Variants in TEAD4 observed in about 807,000 individuals in gnomAD.
TEAD4 encodes the protein transcriptional enhancer factor TEF-3.
TEAD4 carries 36 observed loss-of-function variants against 52.4 expected under a neutral mutation model. The observed-to-expected ratio is 0.69, with a 90% confidence interval of 0.53 to 0.91. TEAD4 has a LOEUF of 0.91. TEAD4 is among the 40% of genes least tolerant of loss of function. The probability of loss-of-function intolerance (pLI) is 0.00; values close to 1 mark genes in which losing one functional copy is unlikely to be tolerated. For missense variants in TEAD4, 508 were observed against 583.9 expected, an observed-to-expected ratio of 0.87 and a Z score of 1.34; for synonymous variants, 220 against 231.0, an observed-to-expected ratio of 0.95 and a Z score of 0.43.
At chr12:3,013,705 G>A (rs1385816746) in intron 5 of TEAD4, among the ~76,000 whole-genome samples, 2 of 152,146 alleles carry the variant, frequency 1.3e-5, no homozygotes, top group Non-Finnish European at 2.9e-5. Flanking sequence ...CTGCACACCA[G>A]TCTGGGCAAC....
intron 2 of TEAD4, among the ~76,000 whole-genome samples, chr12:2,966,750 A>G (rs754209302): frequency 1.3e-5 from 2 of 151,332 alleles, no homozygotes; most frequent in Non-Finnish European, 2.9e-5. Flanking sequence ...CCTATTGCCT[A>G]GGCCGGAGTA....
At chr12:2,974,108 C>T (rs1477423201) in intron 2 of TEAD4, among the ~76,000 whole-genome samples, 1 of 152,112 alleles carries the variant, frequency 6.6e-6, no homozygotes, top group East Asian at 1.9e-4. Flanking sequence ...CCCAGGTTTT[C>T]AAGGTGCCTT....
chr12:2,983,137 A>G (rs942753764), intron 2 of TEAD4, among the ~76,000 whole-genome samples: 2 of 152,344 alleles, frequency 1.3e-5, no homozygotes, highest in Middle Eastern at 3.4e-3. Flanking sequence ...GGCTACAACC[A>G]GGACTTAAGA....
chr12:3,012,153 C>T lies in TEAD4; in HGVS notation c.292-17C>T. On this transcript the variant is annotated splice_polypyrimidine_tract_variant and intron_variant, in intron 4 of 12. Transcript: ENST00000359864. Reference sequence around the variant, plus strand: ...TTGTTGGGAGGTAGAGACAGGAGTCCTCTCTCCCTGCCACAGGTCTCCAGC... The same window carrying T: ...TTGTTGGGAGGTAGAGACAGGAGTCTTCTCTCCCTGCCACAGGTCTCCAGC... 2 of 1,613,578 alleles carry T rather than the reference C, an allele frequency of 1.2e-6. No homozygotes were observed. Among genetic ancestry groups the T allele is most frequent in the African/African-American group, 1.3e-5 (1 of 75,034 alleles).
intron 10 of TEAD4, among the ~76,000 whole-genome samples, chr12:3,032,009 G>T: frequency 6.6e-6 from 1 of 152,334 alleles, no homozygotes; most frequent in African/African-American, 2.4e-5. Context: ...CAGTGGCAGC[G>T]TGGGGAGAGC....
chr12:3,037,277 G>A (rs1015571058), intron 10 of TEAD4, among the ~76,000 whole-genome samples: 4 of 152,136 alleles, frequency 2.6e-5, no homozygotes, highest in African/African-American at 7.2e-5. Context: ...AGAGATTCCC[G>A]GGGCAGTTAA....
chr12:3,009,857 C>T (rs956257570), intron 3 of TEAD4, among the ~76,000 whole-genome samples: 12 of 152,322 alleles, frequency 7.9e-5, no homozygotes, highest in African/African-American at 2.6e-4. Flanking sequence ...AGAGTAGCCT[C>T]GTAATTCGGC....
chr12:3,004,443 G>A (rs559246066), intron 3 of TEAD4, among the ~76,000 whole-genome samples: 8 of 152,254 alleles, frequency 5.3e-5, no homozygotes, highest in African/African-American at 1.4e-4. Flanking sequence ...CTAGAGTCAC[G>A]TGGTCCAGCC....
intron 10 of TEAD4, among the ~76,000 whole-genome samples, chr12:3,022,336 G>C (rs902946260): frequency 6.6e-6 from 1 of 152,206 alleles, no homozygotes; most frequent in Non-Finnish European, 1.5e-5. Context: ...ACCCTGCGGG[G>C]ATAAGTGAAG....
intron 2 of TEAD4, among the ~76,000 whole-genome samples, chr12:2,972,377 C>T (rs943241693): frequency 1.3e-5 from 2 of 151,950 alleles, no homozygotes; most frequent in East Asian, 3.9e-4. Context: ...CCACCATACC[C>T]GGCCAAGTGG....
rs1225578243 is a variant in TEAD4, at chr12:2,959,619, G to GCGCTC, written c.-123+141_-123+145dup. ...GCCCGCGTTCCCGCCTTGGACCTCT[G>GCGCTC]CGCTCCGACGCGCTCCGTCCCGACC... is the stretch of plus-strand genomic sequence containing the variant. On this transcript the variant is annotated intron_variant, in intron 1 of 12. Transcript: ENST00000359864. This position sits in a 1 kb window ranked among gnomAD's most constrained non-coding sequence, Gnocchi z 5.1. 3 of 151,034 alleles carry GCGCTC rather than the reference G, an allele frequency of 2.0e-5. No homozygotes were observed. Among genetic ancestry groups the GCGCTC allele is most frequent in the Non-Finnish European group, 3.0e-5 (2 of 67,720 alleles). 9.4% of individuals were successfully genotyped at this position (151,034 alleles called of 1,614,324 possible).
At chr12:2,998,970 C>T (rs1277623679) in intron 3 of TEAD4, among the ~76,000 whole-genome samples, 4 of 152,190 alleles carry the variant, frequency 2.6e-5, no homozygotes, top group East Asian at 1.9e-4. Flanking sequence ...CCGCTCACCC[C>T]GTCTCTTCTT....
intron 2 of TEAD4, among the ~76,000 whole-genome samples, chr12:2,979,018 C>T (rs1004576723): frequency 7.9e-5 from 12 of 152,000 alleles, no homozygotes; most frequent in African/African-American, 1.2e-4. Flanking sequence ...CTGGTTCAAG[C>T]GATTCTTGTG....
At chr12:2,979,002 G>A (rs1360071750) in intron 2 of TEAD4, among the ~76,000 whole-genome samples, 1 of 152,002 alleles carries the variant, frequency 6.6e-6, no homozygotes, top group African/African-American at 2.4e-5. Context: ...TGCAACCTCC[G>A]CCTCCCTGGT....
At chr12:3,030,516 T>C (rs2098274849) in intron 10 of TEAD4, among the ~76,000 whole-genome samples, 1 of 152,192 alleles carries the variant, frequency 6.6e-6, no homozygotes, top group Admixed American at 6.5e-5. Flanking sequence ...CTTTTTGCTT[T>C]CTCTACCCCG....
intron 2 of TEAD4, among the ~76,000 whole-genome samples, chr12:2,968,572 CTAACATTTTTTTTGTTT>C (rs2098222484): frequency 6.6e-6 from 1 of 151,582 alleles, no homozygotes; most frequent in Admixed American, 6.6e-5. Context: ...CCATGCCCGC[CTAACATTTTTTTTGTTT>C]TAATTTTTAT....
At chr12:3,013,418 T>G (rs2098261988) in intron 5 of TEAD4, among the ~76,000 whole-genome samples, 1 of 152,122 alleles carries the variant, frequency 6.6e-6, no homozygotes, top group African/African-American at 2.4e-5. Flanking sequence ...GAACTTGAAC[T>G]CTAGGGGACC....
chr12:2,992,605 C>A (rs1239152266), intron 2 of TEAD4, among the ~76,000 whole-genome samples: 5 of 152,110 alleles, frequency 3.3e-5, no homozygotes, highest in Non-Finnish European at 7.4e-5. Flanking sequence ...TGGAAGTGGT[C>A]GAACTCAGGG....
chr12:2,973,062 T>C (rs541850979), intron 2 of TEAD4, among the ~76,000 whole-genome samples: 3 of 152,130 alleles, frequency 2.0e-5, no homozygotes, highest in African/African-American at 7.2e-5. Context: ...TAATTTTGCC[T>C]TTCAAGAATG....
Sources: gnomAD v4.1 joint callset for allele counts (sites outside exome capture counted in the v4.1 genomes callset) on GRCh38, gnomAD v4.1.1 for gene constraint, Gnocchi (gnomAD v3.1) non-coding constraint, MANE v1.5 for transcripts, NCBI Gene and HGNC (gene_info 2026-07-23, HGNC 2026-07-21) for gene names.